OPCML: variants seen among roughly 807,000 people sequenced by gnomAD.
The protein encoded by OPCML is opioid-binding protein/cell adhesion molecule.
OPCML carries 13 observed loss-of-function variants against 37.8 expected under a neutral mutation model. That is an observed-to-expected ratio of 0.34 (90% CI 0.22 to 0.55). The LOEUF (loss-of-function observed/expected upper bound fraction) is 0.55. Ranked by LOEUF, OPCML falls within the 20% of genes least tolerant of loss-of-function variation. The probability of loss-of-function intolerance (pLI) is 0.91; values close to 1 mark genes in which losing one functional copy is unlikely to be tolerated. For missense variants in OPCML, 341 were observed against 435.6 expected, an observed-to-expected ratio of 0.78 and a Z score of 1.93; for synonymous variants, 176 against 168.8, an observed-to-expected ratio of 1.04 and a Z score of -0.33.
In OPCML at chr11:133,002,700, G is replaced by A. The variant is rs1565392076; in HGVS notation, c.62-59690C>T. On this transcript the variant is annotated intron_variant, in intron 1 of 7. Coordinates refer to ENST00000524381, the MANE Select transcript of OPCML (RefSeq NM_001012393.5). ...TTTTCTATAGATAATATATGTGTGG[G>A]TGTGAATGTGTATAGGGAGAAAGAG... 2.0e-5 allele frequency among the ~76,000 whole-genome samples: 3 copies of A among 151,784 alleles called. No individual in the cohort carries two copies. In the South Asian group the frequency reaches 6.3e-4, roughly 32 times the overall value.
At chr11:133,468,655 G>C (rs749525946) in intron 1 of OPCML, among the ~76,000 whole-genome samples, 1 of 152,200 alleles carries the variant, frequency 6.6e-6, no homozygotes, top group Non-Finnish European at 1.5e-5. Flanking sequence ...GAGCCCTTGC[G>C]GGCACCTTGG....
chr11:133,397,621 A>G (rs369873085), intron 1 of OPCML, among the ~76,000 whole-genome samples: 3 of 152,262 alleles, frequency 2.0e-5, no homozygotes, highest in South Asian at 2.1e-4. Flanking sequence ...CAGCTAAGGC[A>G]AATGGAAAGG....
chr11:132,479,111 C>G (rs1488718319), intron 4 of OPCML, among the ~76,000 whole-genome samples: 1 of 152,142 alleles, frequency 6.6e-6, no homozygotes, highest in Non-Finnish European at 1.5e-5. Context: ...TTCTGCATTT[C>G]CATCTGAGGT....
At chr11:133,366,007 G>C (rs1437810561) in intron 1 of OPCML, 1 of 152,226 alleles carries the variant, frequency 6.6e-6, no homozygotes, top group Non-Finnish European at 1.5e-5. Flanking sequence ...CTCTTAGCAA[G>C]GAAGGAAGGA....
At chr11:132,616,189 A>G (rs539007150) in intron 3 of OPCML, among the ~76,000 whole-genome samples, 14 of 152,314 alleles carry the variant, frequency 9.2e-5, no homozygotes, top group African/African-American at 3.4e-4. Flanking sequence ...TTAAAATGAG[A>G]TATGAACTAT....
intron 7 of OPCML, among the ~76,000 whole-genome samples, chr11:132,431,461 T>A (rs1277712267): frequency 6.6e-6 from 1 of 152,188 alleles, no homozygotes; most frequent in Non-Finnish European, 1.5e-5. Context: ...AAGTGGGTGG[T>A]CTAAAATATG....
At chr11:133,320,316 T>C (rs889800020) in intron 1 of OPCML, among the ~76,000 whole-genome samples, 2 of 152,188 alleles carry the variant, frequency 1.3e-5, no homozygotes, top group Non-Finnish European at 2.9e-5. Flanking sequence ...TCAATAATAG[T>C]TATTTTTTCT....
chr11:132,813,453 G>A lies in OPCML; in HGVS notation c.146+129473C>T, dbSNP rs984354296. On this transcript the variant is annotated intron_variant, in intron 2 of 7. Transcript: ENST00000524381. ...ATGGTAGAACCTGAGCACCATAACC[G>A]TCATTTTACTGCATGATGGACACTA... Among the ~76,000 whole-genome samples the A allele has an allele frequency of 7.9e-5, 12 of 152,238 alleles. No homozygotes were observed. The South Asian group carries it at 8.3e-4, about 11-fold the overall frequency.
intron 1 of OPCML, chr11:133,024,948 C>G: frequency 1.0e-6 from 1 of 985,398 alleles, no homozygotes; most frequent in Non-Finnish European, 1.2e-6. Flanking sequence ...TGAACCAATG[C>G]GCACTGCAGA....
At chr11:132,654,977 G>C (rs1183324375) in intron 3 of OPCML, among the ~76,000 whole-genome samples, 1 of 152,100 alleles carries the variant, frequency 6.6e-6, no homozygotes, top group Non-Finnish European at 1.5e-5. Flanking sequence ...GACTTTTTCT[G>C]ACCTGAAGCT....
chr11:132,776,656 C>T (rs1946821014), intron 2 of OPCML, among the ~76,000 whole-genome samples: 1 of 152,066 alleles, frequency 6.6e-6, no homozygotes, highest in African/African-American at 2.4e-5. Flanking sequence ...TCCCTGAGGC[C>T]TCACCAGAAG....
intron 2 of OPCML, among the ~76,000 whole-genome samples, chr11:132,801,804 C>A (rs780139737): frequency 6.6e-6 from 1 of 152,142 alleles, no homozygotes; most frequent in Non-Finnish European, 1.5e-5. Context: ...TTATTGAGTG[C>A]TATTATGTGC....
chr11:132,735,550 A>C (rs1945226931), intron 2 of OPCML, among the ~76,000 whole-genome samples: 1 of 151,942 alleles, frequency 6.6e-6, no homozygotes, highest in Non-Finnish European at 1.5e-5. Flanking sequence ...GCAGTGGTGC[A>C]ATCTTGGCTC....
intron 1 of OPCML, among the ~76,000 whole-genome samples, chr11:133,424,180 G>A (rs1224318418): frequency 1.3e-5 from 2 of 152,094 alleles, no homozygotes; most frequent in Non-Finnish European, 2.9e-5. Flanking sequence ...CAAAACCAGA[G>A]TGAACCCCAG....
rs1325372441 is a variant in OPCML at position 133,140,814 on chromosome 11, CGAA to C, written c.62-197807_62-197805del. ...AAGAAGAAGAAGAAGAAGACGACGA[CGAA>C]GAAGAAGACGACGACGAAGAAGACG... is the stretch of plus-strand genomic sequence containing the variant. On this transcript the variant is annotated intron_variant, in intron 1 of 7. Coordinates refer to ENST00000524381, the MANE Select transcript of OPCML (RefSeq NM_001012393.5). 1.0e-3 allele frequency among the ~76,000 whole-genome samples: 73 copies of C among 70,908 alleles called. 15 individuals are homozygous for C. Among genetic ancestry groups the C allele is most frequent in the African/African-American group, 3.0e-3 (53 of 17,888 alleles). 46.5% of individuals were successfully genotyped at this position (70,908 alleles called of 152,430 possible). A position where few individuals can be genotyped will look rare whatever the true frequency, so the allele number is the denominator to read the frequency against.
intron 1 of OPCML, among the ~76,000 whole-genome samples, chr11:132,976,567 T>A (rs1028219502): frequency 6.6e-6 from 1 of 152,180 alleles, no homozygotes; most frequent in Non-Finnish European, 1.5e-5. Context: ...TCAAGTTGAT[T>A]TGCAGAAAAA....
At chr11:132,701,660 A>G (rs1943822134) in intron 2 of OPCML, among the ~76,000 whole-genome samples, 1 of 151,900 alleles carries the variant, frequency 6.6e-6, no homozygotes, top group South Asian at 2.1e-4. Context: ...GTACTTATTT[A>G]TAATGCATAA....
intron 1 of OPCML, among the ~76,000 whole-genome samples, chr11:133,146,611 C>T (rs1949901296): frequency 6.6e-6 from 1 of 151,894 alleles, no homozygotes; most frequent in Non-Finnish European, 1.5e-5. Context: ...ACGTGCCTGG[C>T]CATGCTAGGC....
chr11:132,891,868 C>G (rs1317319294), intron 2 of OPCML, among the ~76,000 whole-genome samples: 1 of 152,218 alleles, frequency 6.6e-6, no homozygotes, highest in African/African-American at 2.4e-5. Context: ...TAAACATCCT[C>G]TCTTCATCCC....
Sources: gnomAD v4.1 joint callset for allele counts (sites outside exome capture counted in the v4.1 genomes callset) on GRCh38, gnomAD v4.1.1 for gene constraint, MANE v1.5 for transcripts, NCBI Gene and HGNC (gene_info 2026-07-23, HGNC 2026-07-21) for gene names.